The following FOCAD variants were observed in gnomAD, a reference collection of about 807,000 sequenced individuals.
FOCAD encodes focadhesin.
A neutral mutation model predicts 225.6 loss-of-function variants in FOCAD; 198 were observed. The observed-to-expected ratio is 0.88, with a 90% CI of 0.78 to 0.99. The LOEUF (loss-of-function observed/expected upper bound fraction) is 0.99, where lower values mean the gene tolerates loss of function less well. Among genes scored for constraint, FOCAD ranks in the 50% least tolerant of loss-of-function variants. FOCAD has a pLI of 0.00. For missense variants in FOCAD, 2,713 were observed against 2,123.6 expected (o/e 1.28, Z -5.46); for synonymous variants, 897 against 755.0 (o/e 1.19, Z -3.08).
intron 2 of FOCAD, among the ~76,000 whole-genome samples, chr9:20,715,668 G>T (rs764089828): frequency 1.3e-5 from 2 of 151,896 alleles, no homozygotes; most frequent in East Asian, 1.9e-4. Context: ...TGATTAACTA[G>T]TAGGCCCCTG....
intron 39 of FOCAD, among the ~76,000 whole-genome samples, chr9:20,984,661 G>T (rs1441494609): frequency 6.6e-6 from 1 of 152,098 alleles, no homozygotes; most frequent in Non-Finnish European, 1.5e-5. Context: ...AGGTTGTTTT[G>T]GTGAAGTATG....
intron 5 of FOCAD, among the ~76,000 whole-genome samples, chr9:20,752,866 G>GTAGTTCTCCTTGAAGAGT (rs1809066070): frequency 1.3e-5 from 2 of 151,142 alleles, no homozygotes; most frequent in Non-Finnish European, 2.9e-5. Flanking sequence ...CCTTGAAGAG[G>GTAGTTCTCCTTGAAGAGT]TCCTTCACAT....
chr9:20,752,198 A>T (rs1052559208), intron 5 of FOCAD, among the ~76,000 whole-genome samples: 1 of 151,790 alleles, frequency 6.6e-6, no homozygotes, highest in African/African-American at 2.4e-5. Flanking sequence ...TTTTGTTGCC[A>T]TTGCTTCCAG....
chr9:20,984,860 G>T (rs1009148933), intron 39 of FOCAD, among the ~76,000 whole-genome samples: 5 of 152,138 alleles, frequency 3.3e-5, no homozygotes, highest in East Asian at 3.8e-4. Context: ...GAATGCAGTG[G>T]CATGATCTCA....
intron 23 of FOCAD, among the ~76,000 whole-genome samples, chr9:20,914,451 G>A (rs1010062577): frequency 2.6e-5 from 4 of 152,190 alleles, no homozygotes; most frequent in African/African-American, 7.2e-5. Context: ...GCTTGAGGGA[G>A]GTTGAGGGGT....
At chr9:20,982,544 T>C (rs1430750585) in intron 39 of FOCAD, 98 bp downstream of exon 39, 1 of 913,464 alleles carries the variant, frequency 1.1e-6, no homozygotes, top group African/African-American at 1.7e-5. Context: ...TTTTGCTTCA[T>C]TTTTGTTATT....
At chr9:20,798,394 AT>A (rs1205329901) in intron 11 of FOCAD, among the ~76,000 whole-genome samples, 10 of 151,964 alleles carry the variant, frequency 6.6e-5, no homozygotes, top group African/African-American at 2.4e-4. Context: ...CTCTTTTTCT[AT>A]TGATTGGAAT....
At chr9:20,975,437 C>A (rs1187488316) in intron 35 of FOCAD, among the ~76,000 whole-genome samples, 3 of 152,162 alleles carry the variant, frequency 2.0e-5, no homozygotes, top group Non-Finnish European at 4.4e-5. Context: ...CACCATGGCA[C>A]AGGCTGGGAA....
At chr9:20,755,913 G>A (rs897146388) in intron 5 of FOCAD, among the ~76,000 whole-genome samples, 2 of 152,092 alleles carry the variant, frequency 1.3e-5, no homozygotes, top group Non-Finnish European at 1.5e-5. Context: ...TCCAGCCTTG[G>A]CCTCCCAAAG....
chr9:20,880,136 C>T (rs1024245972), intron 19 of FOCAD, among the ~76,000 whole-genome samples: 1 of 152,064 alleles, frequency 6.6e-6, no homozygotes, highest in Non-Finnish European at 1.5e-5. Context: ...ATGTATTGAT[C>T]ACTGTTATGA....
At chr9:20,784,540 A>G (rs1819718768) in intron 10 of FOCAD, among the ~76,000 whole-genome samples, 1 of 152,206 alleles carries the variant, frequency 6.6e-6, no homozygotes, top group East Asian at 1.9e-4. Flanking sequence ...AGGAGACTTA[A>G]AAGCTAAATT....
chr9:20,697,402 A>G (rs566712210), intron 1 of FOCAD, among the ~76,000 whole-genome samples: 1 of 152,304 alleles, frequency 6.6e-6, no homozygotes, highest in African/African-American at 2.4e-5. Context: ...GAAACATCCA[A>G]AGACTCCCAG....
intron 14 of FOCAD, 93 bp downstream of exon 14, chr9:20,821,164 C>T: frequency 8.1e-7 from 1 of 1,241,738 alleles, no homozygotes; most frequent in South Asian, 1.6e-5. Flanking sequence ...AAAAGATAGG[C>T]AGAGGATATA....
rs183886476 is a variant in FOCAD at position 20,772,616 on chromosome 9, T to C, written c.906+2378T>C. 7.9e-5 allele frequency among the ~76,000 whole-genome samples: 12 copies of C among 152,244 alleles called. No individual in the cohort carries two copies. The East Asian group carries it at 2.3e-3, about 29-fold the overall frequency. On this transcript the variant is annotated intron_variant, in intron 8 of 43. Transcript: ENST00000338382. ...TAAGGGATGGAAAGTATTCTTAGGA[T>C]ATAGCATATAAAAGCTTATTGTTAA...
chr9:20,989,866 T>C (rs1038594499), intron 41 of FOCAD, among the ~76,000 whole-genome samples: 2 of 152,194 alleles, frequency 1.3e-5, no homozygotes, highest in African/African-American at 4.8e-5. Flanking sequence ...GCGATAATAA[T>C]GAAACTGTTG....
intron 20 of FOCAD, among the ~76,000 whole-genome samples, chr9:20,884,348 G>T (rs985636884): frequency 2.0e-5 from 3 of 152,088 alleles, no homozygotes; most frequent in Admixed American, 6.5e-5. Flanking sequence ...GCCCAGGCTG[G>T]AGTACAGTGG....
intron 5 of FOCAD, among the ~76,000 whole-genome samples, chr9:20,755,711 C>G (rs1322539434): frequency 6.6e-6 from 1 of 152,126 alleles, no homozygotes. Context: ...ATCTGATACT[C>G]TTTATAGCGA....
intron 5 of FOCAD, among the ~76,000 whole-genome samples, chr9:20,749,999 C>G (rs528653933): frequency 1.3e-5 from 2 of 152,258 alleles, no homozygotes; most frequent in South Asian, 2.1e-4. Flanking sequence ...TGTTAGGATG[C>G]ATGTACTGTA....
intron 6 of FOCAD, among the ~76,000 whole-genome samples, chr9:20,763,253 G>C (rs750665243): frequency 6.6e-6 from 1 of 152,180 alleles, no homozygotes; most frequent in Non-Finnish European, 1.5e-5. Context: ...GATAATAGCA[G>C]TAAACAGAAA....
Sources: allele counts gnomAD v4.1 joint callset (sites outside exome capture counted in the v4.1 genomes callset), GRCh38; gene constraint gnomAD v4.1.1; transcripts MANE v1.5; gene names NCBI Gene and HGNC (gene_info 2026-07-23, HGNC 2026-07-21).